Variants in MROH9 observed in about 807,000 individuals in gnomAD.
MROH9 encodes maestro heat-like repeat-containing protein family member 9.
MROH9 carries 92 observed loss-of-function variants against 98.2 expected under a neutral mutation model. The observed-to-expected ratio is 0.94, with a 90% CI of 0.79 to 1.11. The LOEUF (loss-of-function observed/expected upper bound fraction) is 1.11. Ranked by LOEUF, MROH9 falls within the 50% of genes most tolerant of loss-of-function variation. The pLI, the probability that MROH9 is intolerant of heterozygous loss-of-function variation, is 0.00. For missense variants in MROH9, 1,057 were observed against 1,014.8 expected (o/e 1.04, Z -0.57); for synonymous variants, 397 against 368.9 (o/e 1.08, Z -0.87).
At chr1:171,061,365 C>A (rs1370373707) in intron 20 of MROH9, among the ~76,000 whole-genome samples, 1 of 152,068 alleles carries the variant, frequency 6.6e-6, no homozygotes, top group Non-Finnish European at 1.5e-5. Context: ...TAGTTATATA[C>A]CAAACAGCAG....
intron 6 of MROH9, 70 bp downstream of exon 6, chr1:170,962,046 C>T (rs777798471): frequency 3.6e-6 from 3 of 845,046 alleles, no homozygotes; most frequent in Non-Finnish European, 5.4e-6. Flanking sequence ...TCACTTTCTT[C>T]TCATTTGCTA....
chr1:171,046,631 G>T (rs1240842966), intron 20 of MROH9, among the ~76,000 whole-genome samples: 1 of 152,104 alleles, frequency 6.6e-6, no homozygotes, highest in Non-Finnish European at 1.5e-5. Flanking sequence ...GTCTTGAAAA[G>T]TTGTAGTTAT....
Position 170,995,323 on chromosome 1 carries a change from C to T in MROH9, c.1195-66C>T, listed in dbSNP as rs1250431552. The T allele has an allele frequency of 1.9e-6, 3 of 1,577,518 alleles. No individual in the cohort carries two copies. The African/African-American group carries it at 4.0e-5, about 21-fold the overall frequency. On this transcript the variant is annotated intron_variant, in intron 12 of 21. Transcript: ENST00000367759. The stretch of plus-strand genomic sequence containing the variant: ...TGCAGAGTCACTCTCTTGCTCCCCT[C>T]AGTAAGGTTGACCGGGTTTAGAGAA...
chr1:171,003,831 C>T (rs1651862123), intron 15 of MROH9, among the ~76,000 whole-genome samples: 2 of 152,008 alleles, frequency 1.3e-5, no homozygotes, highest in Admixed American at 6.6e-5. Context: ...TTGTCTTCTG[C>T]TATCAGGGTG....
At chr1:171,020,072 G>C (rs573407162) in intron 17 of MROH9, among the ~76,000 whole-genome samples, 9 of 152,268 alleles carry the variant, frequency 5.9e-5, no homozygotes, top group African/African-American at 2.2e-4. Flanking sequence ...CCAGGAAGAA[G>C]TTGGATCCCT....
At position 171,025,350 on chromosome 1, in the gene MROH9, G is replaced by T; in HGVS notation, c.2211G>T (p.Leu737Phe). Residue 737 changes from leucine (L) to phenylalanine (F), a missense_variant, in exon 20 of 22, where the codon TTG (leucine) becomes TTT (phenylalanine). Transcript: ENST00000367759. ...IISHRNYITD[L>F]TSDTLRFLWS... ...CTCATAGGAACTACATTACAGATTT[G>T]ACATCTGATACCTTACGATTCCTGT... The T allele has an allele frequency of 1.3e-6, 2 of 1,549,496 alleles. No homozygotes were observed. The highest frequency in any genetic ancestry group is 2.4e-5 in the South Asian group (2 of 83,988).
chr1:170,961,669 GTCTTTT>G (rs1405529353), intron 5 of MROH9, among the ~76,000 whole-genome samples: 2 of 151,910 alleles, frequency 1.3e-5, no homozygotes, highest in Non-Finnish European at 2.9e-5. Context: ...GTTTTCATTT[GTCTTTT>G]TCTTTGTATA....
chr1:171,045,591 G>T (rs754292906), intron 20 of MROH9, among the ~76,000 whole-genome samples: 39 of 152,110 alleles, frequency 2.6e-4, no homozygotes, highest in Non-Finnish European at 5.3e-4. Flanking sequence ...CCACTTATTT[G>T]TATAGTTTCC....
At chr1:170,951,089 TA>T (rs1649537336) in intron 3 of MROH9, among the ~76,000 whole-genome samples, 1 of 152,038 alleles carries the variant, frequency 6.6e-6, no homozygotes, top group African/African-American at 2.4e-5. Context: ...TGCCATCAGT[TA>T]GAGATGACCA....
intron 8 of MROH9, among the ~76,000 whole-genome samples, chr1:170,973,853 C>T (rs967887612): frequency 6.6e-6 from 1 of 151,890 alleles, no homozygotes; most frequent in Non-Finnish European, 1.5e-5. Flanking sequence ...CCAGCCTGGG[C>T]GATAGAGAAA....
At chr1:170,965,962 G>T (rs1650220458) in intron 7 of MROH9, among the ~76,000 whole-genome samples, 1 of 151,794 alleles carries the variant, frequency 6.6e-6, no homozygotes. Flanking sequence ...CCATAGTTTT[G>T]ACATATTATG....
intron 15 of MROH9, among the ~76,000 whole-genome samples, chr1:171,010,998 T>C (rs1185512646): frequency 2.6e-5 from 4 of 152,340 alleles, no homozygotes; most frequent in Non-Finnish European, 5.9e-5. Flanking sequence ...TTTTGGTGTT[T>C]TAGACATGAA....
chr1:171,017,559 G>A (rs182597009), intron 17 of MROH9, among the ~76,000 whole-genome samples: 2 of 152,240 alleles, frequency 1.3e-5, no homozygotes, highest in Admixed American at 1.3e-4. Context: ...TGGCACAACA[G>A]CTGTGGCTGC....
intron 9 of MROH9, among the ~76,000 whole-genome samples, chr1:170,985,351 G>A (rs16863901): frequency 0.13 from 19,613 of 152,128 alleles, 1,348 homozygotes; most frequent in Middle Eastern, 0.18. Context: ...GCGGCATCAA[G>A]AACATGTAAC....
rs1219766544 is a variant in MROH9 at position 170,958,562 on chromosome 1, T to C, written c.152+22T>C. On this transcript the variant is annotated intron_variant, in intron 4 of 21. Coordinates refer to ENST00000367759, the MANE Select transcript of MROH9 (RefSeq NM_001163629.2). ...CCAGGTATGATAAGCTATCATGCTC[T>C]TTTATTTCACTAATTGGATGCATTT... 8 of 1,477,426 alleles carry C rather than the reference T, an allele frequency of 5.4e-6. No homozygotes were observed. The South Asian group carries it at 8.8e-5, about 16-fold the overall frequency. 91.5% of individuals were successfully genotyped at this position (1,477,426 alleles called of 1,614,324 possible).
In MROH9 at chr1:170,938,784, G is replaced by A. The variant is rs548824525; in HGVS notation, c.-38+3197G>A. ...AAATGCTTCCTCTTCTATGATGGAC[G>A]CAGTCCAATGTAGTCAAGCTGCCAC... is the stretch of plus-strand genomic sequence containing the variant. On this transcript the variant is annotated intron_variant, in intron 1 of 21. Transcript: ENST00000367759. Among the ~76,000 whole-genome samples, 6 of 152,352 alleles carry A rather than the reference G, an allele frequency of 3.9e-5. No homozygotes were observed. In the East Asian group the frequency reaches 5.8e-4, roughly 15 times the overall value.
chr1:171,045,639 T>C (rs998175078), intron 20 of MROH9, among the ~76,000 whole-genome samples: 15 of 152,192 alleles, frequency 9.9e-5, no homozygotes, highest in African/African-American at 2.4e-4. Flanking sequence ...TTTTATTCCA[T>C]TGTGGTCAAA....
chr1:170,953,060 A>T (rs1014900247), intron 3 of MROH9, among the ~76,000 whole-genome samples: 2 of 152,090 alleles, frequency 1.3e-5, no homozygotes, highest in African/African-American at 4.8e-5. Flanking sequence ...TTCCTTCCAG[A>T]ATTTCTCTTG....
chr1:171,013,969 C>T, intron 15 of MROH9, 148 bp from the exon 16 acceptor site: 3 of 638,406 alleles, frequency 4.7e-6, no homozygotes, highest in Non-Finnish European at 8.0e-6. Context: ...TGTTGTCTCT[C>T]CCCACTGCTG....
Sources: allele counts gnomAD v4.1 joint callset (sites outside exome capture counted in the v4.1 genomes callset), GRCh38; gene constraint gnomAD v4.1.1; transcripts MANE v1.5; gene names NCBI Gene and HGNC (gene_info 2026-07-23, HGNC 2026-07-21).